FGF14: variants seen among roughly 807,000 people sequenced by gnomAD.
The protein encoded by FGF14 is fibroblast growth factor 14.
In FGF14, 5 loss-of-function variants were observed where a neutral mutation model predicts 25.5. The ratio of observed to expected loss-of-function variants is 0.20; its 90% CI spans 0.10 to 0.41. FGF14 has a LOEUF of 0.41. FGF14 is among the 10% of genes least tolerant of loss of function. The pLI, the probability that FGF14 is intolerant of heterozygous loss-of-function variation, is 1.00. For missense variants in FGF14, 222 were observed against 320.1 expected, an observed-to-expected ratio of 0.69 and a Z score of 2.34; for synonymous variants, 138 against 118.3, an observed-to-expected ratio of 1.17 and a Z score of -1.08.
chr13:101,877,584 G>A (rs1469087340), intron 1 of FGF14, among the ~76,000 whole-genome samples: 5 of 152,050 alleles, frequency 3.3e-5, no homozygotes, highest in Admixed American at 1.3e-4. Flanking sequence ...CTGTACAAGC[G>A]GAATAATTGA....
intron 3 of FGF14, among the ~76,000 whole-genome samples, chr13:101,749,861 C>T (rs2037157538): frequency 6.6e-6 from 1 of 152,056 alleles, no homozygotes; most frequent in Non-Finnish European, 1.5e-5. Flanking sequence ...TGTGATCTGA[C>T]ATGTTTGTGT....
intron 3 of FGF14, among the ~76,000 whole-genome samples, chr13:101,790,411 T>TC (rs1170315460): frequency 2.1e-5 from 1 of 46,562 alleles, no homozygotes; most frequent in African/African-American, 4.5e-5. Flanking sequence ...TTCATTTTCT[T>TC]TTTTTTTTTT....
intron 1 of FGF14, among the ~76,000 whole-genome samples, chr13:102,085,506 TA>T (rs1320177384): frequency 6.6e-6 from 1 of 152,240 alleles, no homozygotes; most frequent in Admixed American, 6.5e-5. Flanking sequence ...ATTTTCTGGT[TA>T]ATTATTAAGA....
At chr13:102,260,883 A>G (rs1236378956) in intron 1 of FGF14, among the ~76,000 whole-genome samples, 1 of 152,156 alleles carries the variant, frequency 6.6e-6, no homozygotes, top group Non-Finnish European at 1.5e-5. Flanking sequence ...AAGTGTCTCA[A>G]CAGAGAAGTT....
At chr13:101,783,055 T>C (rs1390980677) in intron 3 of FGF14, among the ~76,000 whole-genome samples, 1 of 152,208 alleles carries the variant, frequency 6.6e-6, no homozygotes, top group East Asian at 1.9e-4. Flanking sequence ...TTTTACTTTT[T>C]AGTAATAGCC....
At chr13:101,833,825 C>T (rs892874894) in intron 3 of FGF14, among the ~76,000 whole-genome samples, 2 of 152,106 alleles carry the variant, frequency 1.3e-5, no homozygotes, top group African/African-American at 2.4e-5. Context: ...GTCGTTGTGT[C>T]TTGCTGTTTA....
At chr13:101,884,062 C>CAAAAAAAAA (rs11315735) in intron 1 of FGF14, among the ~76,000 whole-genome samples, 4 of 37,830 alleles carry the variant, frequency 1.1e-4, no homozygotes, top group African/African-American at 3.2e-4. Flanking sequence ...GACTCCATCT[C>CAAAAAAAAA]AAAAAAAAAA....
chr13:102,060,163 A>C (rs1162727401), intron 1 of FGF14, among the ~76,000 whole-genome samples: 1 of 152,122 alleles, frequency 6.6e-6, no homozygotes, highest in Non-Finnish European at 1.5e-5. Context: ...TATTCAAAAA[A>C]AAAAAAATCC....
At chr13:101,830,759 ATCAAGGG>A (rs2042631656) in intron 3 of FGF14, among the ~76,000 whole-genome samples, 1 of 152,092 alleles carries the variant, frequency 6.6e-6, no homozygotes, top group Admixed American at 6.6e-5. Flanking sequence ...TGAGAAGTCT[ATCAAGGG>A]TCTCACTGGC....
chr13:102,161,570 A>AAGAAGAAGAAGAAAGAAGAAAG lies in FGF14; in HGVS notation c.208+239900_208+239901insCTTTCTTCTTTCTTCTTCTTCT. 5.3e-4 allele frequency among the ~76,000 whole-genome samples: 3 copies of AAGAAGAAGAAGAAAGAAGAAAG among 5,652 alleles called. 1 individual carries two copies. Among genetic ancestry groups the AAGAAGAAGAAGAAAGAAGAAAG allele is most frequent in the Non-Finnish European group, 7.2e-4 (3 of 4,184 alleles). 3.7% of individuals were successfully genotyped at this position (5,652 alleles called of 152,430 possible). On this transcript the variant is annotated intron_variant, in intron 1 of 4. Transcript: ENST00000376131. ...TCTATGCAACCAACTTTCTGTGAAG[A>AAGAAGAAGAAGAAAGAAGAAAG]AAGAAAGAAGAAGAAGAAGAAGAAG... is the stretch of plus-strand genomic sequence containing the variant.
chr13:102,248,785 T>A (rs1479688304), intron 1 of FGF14, among the ~76,000 whole-genome samples: 1 of 152,084 alleles, frequency 6.6e-6, no homozygotes, highest in Non-Finnish European at 1.5e-5. Flanking sequence ...AGAAAAAATG[T>A]CCACACCATC....
intron 1 of FGF14, among the ~76,000 whole-genome samples, chr13:102,396,865 A>G (rs1048187093): frequency 6.6e-6 from 1 of 152,200 alleles, no homozygotes; most frequent in Non-Finnish European, 1.5e-5. Flanking sequence ...TGGTTCATGG[A>G]GTGGCACTGC....
intron 1 of FGF14, chr13:102,293,230 C>T (rs1181053586): frequency 6.6e-6 from 1 of 152,208 alleles, no homozygotes; most frequent in African/African-American, 2.4e-5. Flanking sequence ...CCTTGCCATG[C>T]CATCCCTGGC....
intron 1 of FGF14, among the ~76,000 whole-genome samples, chr13:102,360,629 G>GTAA (rs1399691917): frequency 6.6e-6 from 1 of 152,090 alleles, no homozygotes; most frequent in Admixed American, 6.5e-5. Flanking sequence ...TAAATCACAG[G>GTAA]TAATACCTCC....
chr13:101,985,745 T>A (rs1296287785), intron 1 of FGF14, among the ~76,000 whole-genome samples: 2 of 152,172 alleles, frequency 1.3e-5, no homozygotes, highest in Admixed American at 6.5e-5. Context: ...TAATTGCTAT[T>A]CAGTTTACAA....
At chr13:101,992,734 G>A (rs2139681135) in intron 1 of FGF14, among the ~76,000 whole-genome samples, 1 of 152,118 alleles carries the variant, frequency 6.6e-6, no homozygotes, top group Non-Finnish European at 1.5e-5. Context: ...AACTTAAAAT[G>A]GCCAGGGAAT....
intron 3 of FGF14, among the ~76,000 whole-genome samples, chr13:101,782,992 C>A (rs1023299975): frequency 2.6e-5 from 4 of 152,156 alleles, no homozygotes; most frequent in Non-Finnish European, 4.4e-5. Context: ...ACACTCCCAC[C>A]AACAGTGTAT....
chr13:102,013,788 C>T (rs1021826490), intron 1 of FGF14, among the ~76,000 whole-genome samples: 6 of 152,192 alleles, frequency 3.9e-5, no homozygotes, highest in Admixed American at 2.6e-4. Context: ...TTTCATTGTT[C>T]GGACAATTGT....
chr13:101,755,974 T>C (rs2037619664), intron 3 of FGF14, among the ~76,000 whole-genome samples: 1 of 152,192 alleles, frequency 6.6e-6, no homozygotes, highest in Admixed American at 6.5e-5. Context: ...AAATAATACA[T>C]GAACAAGAGA....
Sources: allele counts gnomAD v4.1 joint callset (sites outside exome capture counted in the v4.1 genomes callset), GRCh38; gene constraint gnomAD v4.1.1; transcripts MANE v1.5; gene names NCBI Gene and HGNC (gene_info 2026-07-23, HGNC 2026-07-21).